The following TCTN1 variants were observed in gnomAD, a reference collection of about 807,000 sequenced individuals.
TCTN1 encodes the protein tectonic-1.
In TCTN1, 58 loss-of-function variants were observed where a neutral mutation model predicts 65.8. The ratio of observed to expected loss-of-function variants is 0.88; its 90% CI spans 0.71 to 1.10. The LOEUF is 1.10. Among genes scored for constraint, TCTN1 ranks in the 50% least tolerant of loss-of-function variants. TCTN1 has a pLI of 0.00. For synonymous variants in TCTN1, 273 were observed against 289.1 expected (o/e 0.94, Z 0.57); for missense variants, 645 against 719.4 (o/e 0.90, Z 1.18).
chr12:110,620,810 CTT>C (rs1216049794), intron 2 of TCTN1, among the ~76,000 whole-genome samples: 51 of 133,228 alleles, frequency 3.8e-4, no homozygotes, highest in Non-Finnish European at 3.3e-4. Flanking sequence ...TTCAAGGCTT[CTT>C]TTTTTTTTTT....
chr12:110,621,589 C>T (rs2065433674), intron 2 of TCTN1, among the ~76,000 whole-genome samples: 1 of 151,932 alleles, frequency 6.6e-6, no homozygotes, highest in Admixed American at 6.6e-5. Flanking sequence ...TTTCCTGCCT[C>T]AGCCTCCCAA....
At chr12:110,621,100 C>T (rs1291370456) in intron 2 of TCTN1, among the ~76,000 whole-genome samples, 2 of 152,136 alleles carry the variant, frequency 1.3e-5, no homozygotes, top group South Asian at 2.1e-4. Context: ...CCAACGCGCC[C>T]AGCTTCAAGG....
At chr12:110,614,590 G>A in intron 1 of TCTN1, 188 bp downstream of exon 1, 10 of 1,239,230 alleles carry the variant, frequency 8.1e-6, no homozygotes, top group Non-Finnish European at 1.0e-5. Context: ...ATCACTGTCA[G>A]GTAAATGAGA....
Position 110,644,686 on chromosome 12 carries a change from C to CA in TCTN1, c.1332-274dup, listed in dbSNP as rs1036960851. The CA allele has an allele frequency of 1.8e-5, 8 of 433,254 alleles. No individual in the cohort carries two copies. Among genetic ancestry groups the CA allele is most frequent in the African/African-American group, 4.0e-5 (2 of 49,568 alleles). The allele number at this position is 433,254 out of a possible 1,614,324, so 26.8% of individuals were successfully genotyped here. A position where few individuals can be genotyped will look rare whatever the true frequency, so the allele number is the denominator to read the frequency against. On this transcript the variant is annotated intron_variant, in intron 11 of 14. Coordinates refer to ENST00000397659, the MANE Select transcript of TCTN1 (RefSeq NM_001082538.3). This position sits in a 1 kb window ranked among gnomAD's most constrained non-coding sequence, Gnocchi z 4.6. ...GAGCAAACTCCATCTCAAAACAAAACAAAAAAACCAAAAATCAAAACTTAA... is the reference window on the plus strand; with the variant it reads ...GAGCAAACTCCATCTCAAAACAAAACAAAAAAAACCAAAAATCAAAACTTAA...
intron 1 of TCTN1, among the ~76,000 whole-genome samples, chr12:110,615,428 T>TTG (rs2064969748): frequency 6.6e-6 from 1 of 152,180 alleles, no homozygotes; most frequent in East Asian, 1.9e-4. Flanking sequence ...AATTTTCCGA[T>TTG]TGTGTGAATT....
Position 110,639,384 on chromosome 12 carries a change from TG to T in TCTN1, c.844-998del, listed in dbSNP as rs1189687936. On this transcript the variant is annotated intron_variant, in intron 7 of 14. Coordinates refer to ENST00000397659, the MANE Select transcript of TCTN1 (RefSeq NM_001082538.3). This position sits in a 1 kb window ranked among gnomAD's most constrained non-coding sequence, Gnocchi z 4.9. ...AGGGCTTCCCTGGTGCTGCTGAAAA[TG>T]TTTGTCTGTGTCTGTTTTTTGTTGC... 6.6e-6 allele frequency among the ~76,000 whole-genome samples: 1 copy of T among 152,114 alleles called. No individual in the cohort carries two copies. The highest frequency in any genetic ancestry group is 1.5e-5 in the Non-Finnish European group (1 of 68,014).
chr12:110,626,723 G>GTGTGGATAA, intron 3 of TCTN1, among the ~76,000 whole-genome samples: 1 of 150,388 alleles, frequency 6.6e-6, no homozygotes, highest in South Asian at 2.1e-4. Context: ...GGGATTACAG[G>GTGTGGATAA]TGCCTGCCAC....
chr12:110,618,172 A>G (rs1377040880), intron 1 of TCTN1, among the ~76,000 whole-genome samples: 3 of 148,532 alleles, frequency 2.0e-5, no homozygotes, highest in Admixed American at 6.8e-5. Flanking sequence ...TTCTGGGTTG[A>G]AACGATTCTC....
intron 3 of TCTN1, chr12:110,628,196 A>G: frequency 6.5e-7 from 1 of 1,536,036 alleles, no homozygotes; most frequent in Non-Finnish European, 8.7e-7. Flanking sequence ...TAGACGGATT[A>G]TTATTGGCTT....
At chr12:110,615,348 C>G (rs747986924) in intron 1 of TCTN1, among the ~76,000 whole-genome samples, 1 of 152,238 alleles carries the variant, frequency 6.6e-6, no homozygotes, top group African/African-American at 2.4e-5. Flanking sequence ...GTGAATATGC[C>G]TTTTCCTGAG....
At position 110,649,201 on chromosome 12, in the gene TCTN1, T is replaced by G. The variant is rs112985685; in HGVS notation, c.*160T>G. ...ACATGAGAAAATGTGATACATTTGA[T>G]ACAGTGTGGGGTGGGAGTGGATGGG... On this transcript the variant is annotated 3_prime_UTR_variant, in exon 15 of 15. Transcript: ENST00000397659. 1.5e-6 allele frequency: 1 copy of G among 685,512 alleles called. No individual in the cohort carries two copies. Among genetic ancestry groups the G allele is most frequent in the African/African-American group, 1.8e-5 (1 of 56,148 alleles). The allele number at this position is 685,512 out of a possible 1,614,324, so 42.5% of individuals were successfully genotyped here. A position where few individuals can be genotyped will look rare whatever the true frequency, so the allele number is the denominator to read the frequency against.
In TCTN1 at chr12:110,642,340, CG is replaced by C. The variant is rs1566003392; in HGVS notation, c.1284del (p.Thr429ProfsTer15). ...AGACTGCTTAGCACTGGAGGGGGTC[CG>C]GACCCCAGTATTATTTGGTTACACT... ...EQDCLALEGV[R>X]TPVLFGYTMQ... On this transcript the variant is annotated frameshift_variant, in exon 11 of 15. Coordinates refer to ENST00000397659, the MANE Select transcript of TCTN1 (RefSeq NM_001082538.3). LOFTEE classifies it high-confidence loss of function. 2 of 1,614,162 alleles carry C rather than the reference CG, an allele frequency of 1.2e-6. No homozygotes were observed. The highest frequency in any genetic ancestry group is 3.3e-4 in the Middle Eastern group (2 of 6,062).
At position 110,614,204 on chromosome 12, in the gene TCTN1, C is replaced by G. The variant is rs2064869926; in HGVS notation, c.22C>G (p.Pro8Ala). The G allele has an allele frequency of 6.4e-7, 1 of 1,574,772 alleles. No individual in the cohort carries two copies. Among genetic ancestry groups the G allele is most frequent in the African/African-American group, 1.3e-5 (1 of 74,428 alleles). The change falls in exon 1 of 15, where the codon CCG becomes GCG. Residue 8 changes from proline (P) to alanine (A), a missense_variant. Transcript: ENST00000397659. Reference protein sequence around the residue: MRPRGLPPLLVVLLGCWA... With the variant: MRPRGLPALLVVLLGCWA... ...GGAGATGAGGCCGCGAGGTCTCCCG[C>G]CGCTCCTGGTGGTGCTCCTGGGCTG...
chr12:110,633,545 G>C (rs1279202060), intron 5 of TCTN1, among the ~76,000 whole-genome samples: 1 of 152,060 alleles, frequency 6.6e-6, no homozygotes, highest in Non-Finnish European at 1.5e-5. Flanking sequence ...GCTGAGGTAG[G>C]AGGATTGCTT....
At chr12:110,626,271 C>T in intron 2 of TCTN1, 91 bp from the exon 3 acceptor site, 1 of 1,370,814 alleles carries the variant, frequency 7.3e-7, no homozygotes, top group South Asian at 1.3e-5. Flanking sequence ...TAACATAGTA[C>T]AGTACAAGCA....
chr12:110,638,729 A>G (rs189060607), intron 7 of TCTN1, among the ~76,000 whole-genome samples: 117 of 152,304 alleles, frequency 7.7e-4, no homozygotes, highest in Non-Finnish European at 1.3e-3. Flanking sequence ...AATTCCACGC[A>G]CACACCATGG....
At chr12:110,648,690 G>GC (rs1249992489) in intron 14 of TCTN1, 4 of 215,990 alleles carry the variant, frequency 1.9e-5, no homozygotes, top group Non-Finnish European at 3.7e-5. Flanking sequence ...GGGTCTAATT[G>GC]CCATTTCTGC....
At chr12:110,625,208 T>G (rs2065749921) in intron 2 of TCTN1, among the ~76,000 whole-genome samples, 1 of 152,264 alleles carries the variant, frequency 6.6e-6, no homozygotes, top group Admixed American at 6.5e-5. Context: ...ATCTACGTTC[T>G]TGACAAGATT....
Position 110,640,404 on chromosome 12 carries a change from A to G in TCTN1, c.865A>G (p.Ile289Val), listed in dbSNP as rs1035223063. The G allele has an allele frequency of 1.5e-5, 24 of 1,613,990 alleles. 1 individual carries two copies. The highest frequency in any genetic ancestry group is 1.6e-4 in the Middle Eastern group (1 of 6,084). The part of the protein sequence containing the change: ...RKKVPITVQS[I>V]VIQSLNKTLT... Reference sequence around the variant, plus strand: ...GCAGGTCCCTATCACTGTTCAGTCCATCGTCATTCAGTCTCTAAATAAAAC... The same window carrying G: ...GCAGGTCCCTATCACTGTTCAGTCCGTCGTCATTCAGTCTCTAAATAAAAC... The change falls in exon 8 of 15, where the codon ATC becomes GTC. Residue 289 changes from isoleucine to valine, a missense_variant. Ile to Val is a conservative substitution (Grantham distance 29, BLOSUM62 3). Transcript: ENST00000397659. The surrounding 1 kb of genome is among the most constrained non-coding windows in gnomAD (Gnocchi z 4.9).
Sources: gnomAD v4.1 joint callset for allele counts (sites outside exome capture counted in the v4.1 genomes callset) on GRCh38, gnomAD v4.1.1 for gene constraint, Gnocchi (gnomAD v3.1) non-coding constraint, MANE v1.5 for transcripts, NCBI Gene and HGNC (gene_info 2026-07-23, HGNC 2026-07-21) for gene names.